HECW1: variants seen among roughly 807,000 people sequenced by gnomAD.
The protein encoded by HECW1 is E3 ubiquitin-protein ligase HECW1.
In HECW1, 61 loss-of-function variants were observed where a neutral mutation model predicts 182.3. The ratio of observed to expected loss-of-function variants is 0.33; its 90% CI spans 0.27 to 0.41. The LOEUF is 0.41. HECW1 is among the 10% of genes least tolerant of loss of function. The probability of loss-of-function intolerance (pLI) is 1.00; values close to 1 mark genes in which losing one functional copy is unlikely to be tolerated. For synonymous variants in HECW1, 859 were observed against 832.6 expected (o/e 1.03, Z -0.55); for missense variants, 1,739 against 2,108.9 (o/e 0.82, Z 3.44).
intron 19 of HECW1, 34 bp from the exon 20 acceptor site, chr7:43,500,665 A>T (rs2304325): frequency 1.3e-6 from 2 of 1,482,070 alleles, no homozygotes; most frequent in South Asian, 1.1e-5. Context: ...ATGTGTTGGC[A>T]TCTAATTTTC....
chr7:43,192,935 C>T (rs527311498), intron 2 of HECW1, among the ~76,000 whole-genome samples: 2 of 152,320 alleles, frequency 1.3e-5, no homozygotes, highest in East Asian at 3.9e-4. Context: ...AGGGTGGCTA[C>T]TCCATAGGCA....
chr7:43,170,437 G>A (rs1583802353), intron 2 of HECW1, among the ~76,000 whole-genome samples: 1 of 152,082 alleles, frequency 6.6e-6, no homozygotes. Context: ...CTGGTTTCAC[G>A]GGCACCCTTG....
intron 8 of HECW1, among the ~76,000 whole-genome samples, chr7:43,436,686 G>C (rs1398187427): frequency 2.6e-5 from 4 of 152,184 alleles, no homozygotes; most frequent in African/African-American, 4.8e-5. Flanking sequence ...AGTTACTTCA[G>C]GCCATCTGGA....
chr7:43,136,526 T>G (rs1168269971), intron 2 of HECW1, among the ~76,000 whole-genome samples: 1 of 152,188 alleles, frequency 6.6e-6, no homozygotes, highest in Non-Finnish European at 1.5e-5. Flanking sequence ...GAAGGAGAGC[T>G]GGCAAAAACG....
chr7:43,115,580 G>A (rs897548283), intron 2 of HECW1, among the ~76,000 whole-genome samples: 2 of 152,156 alleles, frequency 1.3e-5, no homozygotes, highest in South Asian at 2.1e-4. Context: ...ACTTGCTAGC[G>A]CTGTTGCTTG....
Position 43,315,746 on chromosome 7 carries a change from G to A in HECW1, c.352+3659G>A, listed in dbSNP as rs577993412. ...TGACCTCAGTTGATCCACCCACCTC[G>A]GCCTCCCAAACTCCTGGGATTACAG... is the stretch of plus-strand genomic sequence containing the variant. On this transcript the variant is annotated intron_variant, in intron 4 of 29. Coordinates refer to ENST00000395891, the MANE Select transcript of HECW1 (RefSeq NM_015052.5). Among the ~76,000 whole-genome samples the A allele has an allele frequency of 1.6e-3, 242 of 152,082 alleles. 1 individual carries two copies. Among genetic ancestry groups the A allele is most frequent in the Non-Finnish European group, 3.0e-3 (201 of 67,988 alleles).
At chr7:43,211,092 C>T (rs1795970532) in intron 2 of HECW1, among the ~76,000 whole-genome samples, 1 of 152,098 alleles carries the variant, frequency 6.6e-6, no homozygotes, top group Non-Finnish European at 1.5e-5. Context: ...CTATTTTTGC[C>T]TAATTAGCAT....
chr7:43,449,939 C>T (rs891896517), intron 11 of HECW1, among the ~76,000 whole-genome samples: 7 of 152,192 alleles, frequency 4.6e-5, no homozygotes, highest in Non-Finnish European at 8.8e-5. Flanking sequence ...TTCAGAACAT[C>T]GTTCAGTTCA....
intron 3 of HECW1, among the ~76,000 whole-genome samples, chr7:43,287,365 G>A (rs1355839161): frequency 6.6e-6 from 1 of 152,106 alleles, no homozygotes; most frequent in Non-Finnish European, 1.5e-5. Context: ...GAGGCCCCGA[G>A]GCAGGGTTGT....
intron 2 of HECW1, among the ~76,000 whole-genome samples, chr7:43,196,261 C>T (rs1238011318): frequency 6.6e-6 from 1 of 152,150 alleles, no homozygotes; most frequent in Non-Finnish European, 1.5e-5. Context: ...TTAATTTTGA[C>T]ACAGTATGGG....
At chr7:43,472,332 A>G (rs986519794) in intron 16 of HECW1, among the ~76,000 whole-genome samples, 1 of 152,218 alleles carries the variant, frequency 6.6e-6, no homozygotes, top group African/African-American at 2.4e-5. Flanking sequence ...CCTGACCCCT[A>G]GGCCATGTGC....
rs1392964735 is a variant in HECW1, at chr7:43,469,014, A to G, written c.3008A>G (p.Asn1003Ser). The G allele has an allele frequency of 5.0e-6, 8 of 1,614,052 alleles. No individual in the cohort carries two copies. The highest frequency in any genetic ancestry group is 5.9e-6 in the Non-Finnish European group (7 of 1,180,044). The change falls in exon 16 of 30, where the codon AAC becomes AGC. Residue 1003 changes from asparagine (N) to serine (S), a missense_variant. Physicochemically the swap from Asn to Ser is conservative, Grantham distance 46 (BLOSUM62 1). Around this residue, in one of 5 missense-constraint regions of HECW1, gnomAD observed 971 missense variants for 1,029.1 expected, o/e 0.94. Coordinates refer to ENST00000395891, the MANE Select transcript of HECW1 (RefSeq NM_015052.5). ...CGCAATTTTGAACGCTACCAGCACAACCGGGACTTGGTGAATTTCATCAAC... is the reference window on the plus strand; with the variant it reads ...CGCAATTTTGAACGCTACCAGCACAGCCGGGACTTGGTGAATTTCATCAAC... ...DARNFERYQH[N>S]RDLVNFINMF...
chr7:43,186,760 T>C (rs1793450229), intron 2 of HECW1, among the ~76,000 whole-genome samples: 1 of 152,092 alleles, frequency 6.6e-6, no homozygotes, highest in Admixed American at 6.5e-5. Flanking sequence ...ATACTTACCA[T>C]TGCATTACAA....
At chr7:43,220,047 A>G (rs760349968) in intron 2 of HECW1, among the ~76,000 whole-genome samples, 6 of 152,166 alleles carry the variant, frequency 3.9e-5, no homozygotes, top group Non-Finnish European at 5.9e-5. Flanking sequence ...ACGGTCCCCC[A>G]CACACTGCCA....
At chr7:43,411,944 A>G (rs2075817003) in intron 8 of HECW1, among the ~76,000 whole-genome samples, 1 of 152,132 alleles carries the variant, frequency 6.6e-6, no homozygotes, top group Admixed American at 6.5e-5. Flanking sequence ...ACCATTTAAC[A>G]TATTTATTCA....
chr7:43,432,283 G>A lies in HECW1; in HGVS notation c.802-5720G>A, dbSNP rs1228164803. 6.6e-6 allele frequency among the ~76,000 whole-genome samples: 1 copy of A among 150,650 alleles called. No homozygotes were observed. Among genetic ancestry groups the A allele is most frequent in the East Asian group, 1.9e-4 (1 of 5,146 alleles). Reference sequence around the variant, plus strand: ...GCCTCCCAAGTAGCTGGGACTACAGGCGCCCGCCACTACACCCGGCTAATT... The same window carrying A: ...GCCTCCCAAGTAGCTGGGACTACAGACGCCCGCCACTACACCCGGCTAATT... On this transcript the variant is annotated intron_variant, in intron 8 of 29. Coordinates refer to ENST00000395891, the MANE Select transcript of HECW1 (RefSeq NM_015052.5). The surrounding 1 kb of genome is among the most constrained non-coding windows in gnomAD (Gnocchi z 4.1).
chr7:43,520,470 C>A (rs532762945), intron 24 of HECW1, among the ~76,000 whole-genome samples: 1 of 152,100 alleles, frequency 6.6e-6, no homozygotes, highest in Non-Finnish European at 1.5e-5. Context: ...CATATGTGCG[C>A]GATTGTTTCT....
chr7:43,368,551 G>A (rs1816925598), intron 6 of HECW1, among the ~76,000 whole-genome samples: 1 of 152,144 alleles, frequency 6.6e-6, no homozygotes, highest in South Asian at 2.1e-4. Context: ...GAAAGAAAGG[G>A]AAGGGATTCG....
rs1310432921 is a variant in HECW1, at chr7:43,416,691, C to T, written c.801+8960C>T. On this transcript the variant is annotated intron_variant, in intron 8 of 29. Transcript: ENST00000395891. ...CTAGCAATCAGCGAGATTCCGTGGGCGTAGGACCCTCCGAGACAGGTGTGG... is the reference window on the plus strand; with the variant it reads ...CTAGCAATCAGCGAGATTCCGTGGGTGTAGGACCCTCCGAGACAGGTGTGG... Among the ~76,000 whole-genome samples, 6 of 145,916 alleles carry T rather than the reference C, an allele frequency of 4.1e-5. 1 individual carries two copies. The highest frequency in any genetic ancestry group is 2.0e-4 in the East Asian group (1 of 5,042).
Sources: allele counts gnomAD v4.1 joint callset (sites outside exome capture counted in the v4.1 genomes callset), GRCh38; gene constraint gnomAD v4.1.1; regional missense constraint gnomAD v4.1.1; non-coding constraint Gnocchi (gnomAD v3.1); transcripts MANE v1.5; gene names NCBI Gene and HGNC (gene_info 2026-07-23, HGNC 2026-07-21).